Variants in FGD1 observed in about 807,000 individuals in gnomAD.
FGD1 encodes FYVE, RhoGEF and PH domain containing 1, also known as FYVE, RhoGEF and PH domain-containing protein 1.
In FGD1, 12 loss-of-function variants were observed where a neutral mutation model predicts 65.0. The observed-to-expected ratio is 0.18, with a 90% confidence interval of 0.12 to 0.30. The LOEUF (loss-of-function observed/expected upper bound fraction) is 0.30. Ranked by LOEUF, FGD1 falls within the 10% of genes least tolerant of loss-of-function variation. FGD1 has a pLI of 1.00. For synonymous variants in FGD1, 333 were observed against 343.9 expected, an observed-to-expected ratio of 0.97 and a Z score of 0.35; for missense variants, 542 against 837.6, an observed-to-expected ratio of 0.65 and a Z score of 4.36.
rs759438651 is a variant in FGD1, at chrX:54,445,499, AAC to A, written c.*608_*609del. On this transcript the variant is annotated 3_prime_UTR_variant, in exon 18 of 18. Transcript: ENST00000375135. ...ACTGTATTTTTCTTAAAAAAAAAAA[AAC>A]ACACAAAAAAACACAAAAAACTGAG... 9.1e-5 allele frequency: 10 copies of A among 110,152 alleles called. No individual in the cohort carries two copies. The highest frequency in any genetic ancestry group is 4.8e-3 in the Middle Eastern group (1 of 209). 9.1% of individuals were successfully genotyped at this position (110,152 alleles called of 1,213,427 possible).
intron 8 of FGD1, among the ~76,000 whole-genome samples, chrX:54,457,785 C>A (rs1036500351): frequency 1.9e-4 from 21 of 107,898 alleles, no homozygotes; most frequent in African/African-American, 7.2e-4. Context: ...CTGTAATTTC[C>A]ATATTTCCTA....
intron 1 of FGD1, among the ~76,000 whole-genome samples, chrX:54,489,408 C>G (rs1923365059): frequency 9.0e-6 from 1 of 111,355 alleles, no homozygotes; most frequent in African/African-American, 3.3e-5. Flanking sequence ...ATGGCAAAAC[C>G]CCGTCTCTAC....
chrX:54,467,690 G>A lies in FGD1; in HGVS notation c.1340+94C>T, dbSNP rs763165384. On this transcript the variant is annotated intron_variant, in intron 6 of 17. Transcript: ENST00000375135. ...TTTTCAAAAGTCACTAAGAGGAAGA[G>A]CAAGCAGAAATGAAGTCTTGTGTAC... The A allele has an allele frequency of 1.5e-5, 14 of 962,630 alleles. No homozygotes were observed. In the African/African-American group the frequency reaches 2.5e-4, roughly 17 times the overall value. 79.3% of individuals were successfully genotyped at this position (962,630 alleles called of 1,213,427 possible).
At chrX:54,456,397 T>A in intron 9 of FGD1, 31 bp from the exon 10 acceptor site, 3 of 1,211,257 alleles carry the variant, frequency 2.5e-6, no homozygotes, top group Non-Finnish European at 3.4e-6. Context: ...AAAGGCACGG[T>A]TGGGGTGCCA....
At chrX:54,485,672 T>C (rs1923253955) in intron 1 of FGD1, among the ~76,000 whole-genome samples, 2 of 111,491 alleles carry the variant, frequency 1.8e-5, no homozygotes, top group Non-Finnish European at 3.8e-5. Context: ...GGTCTCACTA[T>C]GTAGCCCAGG....
At chrX:54,455,310 C>T (rs1922473119) in intron 12 of FGD1, 138 bp downstream of exon 12, 5 of 542,923 alleles carry the variant, frequency 9.2e-6, no homozygotes, top group East Asian at 3.6e-5. Flanking sequence ...TCACCCCCAC[C>T]GCTGAAGAGC....
chrX:54,446,426 A>AG lies in FGD1; in HGVS notation c.2581-13dup. The AG allele has an allele frequency of 8.3e-7, 1 of 1,204,332 alleles. No homozygotes were observed. The highest frequency in any genetic ancestry group is 1.1e-6 in the Non-Finnish European group (1 of 891,441). ...TGGGCTTTCACATCCTGGCGGGAGGAGGGACAGAGCTGGGGCCACCTTGGG... is the reference window on the plus strand; with the variant it reads ...TGGGCTTTCACATCCTGGCGGGAGGAGGGGACAGAGCTGGGGCCACCTTGGG... On this transcript the variant is annotated splice_polypyrimidine_tract_variant and intron_variant, in intron 17 of 17. Transcript: ENST00000375135.
rs189541298 is a variant in FGD1 at position 54,480,998 on chromosome X, T to C, written c.308-9511A>G. On this transcript the variant is annotated intron_variant, in intron 1 of 17. Coordinates refer to ENST00000375135, the MANE Select transcript of FGD1 (RefSeq NM_004463.3). Reference sequence around the variant, plus strand: ...TGAAGTCCCTTAATTTTAAAAACTGTGGGCAAGCCAAATGAAACTTGTGAG... The same window carrying C: ...TGAAGTCCCTTAATTTTAAAAACTGCGGGCAAGCCAAATGAAACTTGTGAG... 5.0e-4 allele frequency among the ~76,000 whole-genome samples: 56 copies of C among 111,989 alleles called. No individual in the cohort carries two copies. In the East Asian group the frequency reaches 0.016, roughly 31 times the overall value.
chrX:54,447,071 A>G (rs1177296688), intron 17 of FGD1, among the ~76,000 whole-genome samples: 3 of 111,269 alleles, frequency 2.7e-5, no homozygotes, highest in African/African-American at 6.5e-5. Flanking sequence ...GCAGTTCCCC[A>G]TCTCTACTCC....
chrX:54,465,974 T>A, intron 6 of FGD1, 122 bp from the exon 7 acceptor site: 1 of 812,244 alleles, frequency 1.2e-6, no homozygotes, highest in Non-Finnish European at 1.8e-6. Context: ...ACTTCTCAGC[T>A]AGTCTGCTCC....
intron 8 of FGD1, among the ~76,000 whole-genome samples, chrX:54,462,708 T>C (rs1316318529): frequency 3.7e-5 from 4 of 107,734 alleles, no homozygotes; most frequent in African/African-American, 1.4e-4. Flanking sequence ...CCCATTCTTA[T>C]GGCTTTTAGG....
rs898886366 is a variant in FGD1, at chrX:54,469,973, G to T, written c.1101+43C>A. 3 of 1,154,915 alleles carry T rather than the reference G, an allele frequency of 2.6e-6. No individual in the cohort carries two copies. The African/African-American group carries it at 5.4e-5, about 21-fold the overall frequency. On this transcript the variant is annotated intron_variant, in intron 4 of 17. Transcript: ENST00000375135. ...AATCAAGCACAAAAGGCGCTTCCAG[G>T]TTCTCCACATGGACCTGCCTCTCGG...
At chrX:54,448,698 C>A in intron 16 of FGD1, 108 bp downstream of exon 16, 2 of 796,138 alleles carry the variant, frequency 2.5e-6, no homozygotes, top group South Asian at 4.7e-5. Flanking sequence ...AAGCCTGGGT[C>A]CCTTGATCAC....
intron 1 of FGD1, among the ~76,000 whole-genome samples, chrX:54,493,709 A>C (rs1923464251): frequency 8.9e-6 from 1 of 112,147 alleles, no homozygotes; most frequent in Non-Finnish European, 1.9e-5. Flanking sequence ...AAGCCAGCAG[A>C]AGTAACATGC....
chrX:54,473,623 G>A (rs1295927419), intron 1 of FGD1, among the ~76,000 whole-genome samples: 2 of 112,382 alleles, frequency 1.8e-5, no homozygotes, highest in East Asian at 5.5e-4. Context: ...ACCCAGTACA[G>A]TATAACAACT....
At chrX:54,480,947 C>T (rs1923129442) in intron 1 of FGD1, among the ~76,000 whole-genome samples, 1 of 111,898 alleles carries the variant, frequency 8.9e-6, no homozygotes, top group African/African-American at 3.2e-5. Context: ...CCACTGTGCC[C>T]GGCCGGGAAA....
intron 1 of FGD1, among the ~76,000 whole-genome samples, chrX:54,473,229 C>A (rs764785177): frequency 8.9e-6 from 1 of 112,018 alleles, no homozygotes; most frequent in African/African-American, 3.2e-5. Flanking sequence ...CAATCATATA[C>A]CCAGTTAGAC....
intron 6 of FGD1, among the ~76,000 whole-genome samples, chrX:54,466,374 C>A (rs1393959229): frequency 1.8e-5 from 2 of 111,730 alleles, no homozygotes; most frequent in African/African-American, 6.5e-5. Flanking sequence ...TTTCTGTGGT[C>A]ACAGTCTGGT....
intron 1 of FGD1, among the ~76,000 whole-genome samples, chrX:54,483,627 C>A (rs1923206567): frequency 8.9e-6 from 1 of 112,103 alleles, no homozygotes; most frequent in East Asian, 2.8e-4. Flanking sequence ...ACTCTGGGAC[C>A]CAGATAGGCA....
Sources: allele counts gnomAD v4.1 joint callset (sites outside exome capture counted in the v4.1 genomes callset), GRCh38; gene constraint gnomAD v4.1.1; transcripts MANE v1.5; gene names NCBI Gene and HGNC (gene_info 2026-07-23, HGNC 2026-07-21).